Variants in MTOR observed in about 807,000 individuals in gnomAD.
The protein encoded by MTOR is serine/threonine-protein kinase mTOR.
A neutral mutation model predicts 319.8 loss-of-function variants in MTOR; 70 were observed. That is an observed-to-expected ratio of 0.22 (90% CI 0.18 to 0.27). The LOEUF (loss-of-function observed/expected upper bound fraction) is 0.27. Ranked by LOEUF, MTOR falls within the 10% of genes least tolerant of loss-of-function variation. The pLI is 1.00. For missense variants in MTOR, 1,890 were observed against 3,274.4 expected (o/e 0.58, Z 10.32); for synonymous variants, 1,183 against 1,211.4 (o/e 0.98, Z 0.49).
Position 11,257,119 on chromosome 1 carries a change from T to C in MTOR, c.318A>G (p.Arg106=). ...VEGGNATRIG[R]FANYLRNLLP... is the part of the protein sequence containing the mutation. ...GGAGGTTCCGAAGATAGTTGGCAAA[T>C]CTGCCAATTCGGGTGGCATTCCCAC... is the stretch of plus-strand genomic sequence containing the variant. The change falls in exon 4 of 58, where the codon AGA becomes AGG. Residue 106 remains arginine (R), a synonymous_variant. Transcript: ENST00000361445. 6.2e-7 allele frequency: 1 copy of C among 1,613,926 alleles called. No homozygotes were observed. The highest frequency in any genetic ancestry group is 8.5e-7 in the Non-Finnish European group (1 of 1,179,956).
Position 11,109,418 on chromosome 1 carries a change from A to G in MTOR, c.7448-48T>C, listed in dbSNP as rs371317946. ...TAACTGTAAGAATGGGAGCAATACAACAGGTTCAATGGGTGCCCTGTTTTT... is the reference window on the plus strand; with the variant it reads ...TAACTGTAAGAATGGGAGCAATACAGCAGGTTCAATGGGTGCCCTGTTTTT... On this transcript the variant is annotated intron_variant, in intron 55 of 57. Transcript: ENST00000361445. The surrounding 1 kb of genome is among the most constrained non-coding windows in gnomAD (Gnocchi z 4.0). 6.4e-7 allele frequency: 1 copy of G among 1,563,914 alleles called. No homozygotes were observed. The highest frequency in any genetic ancestry group is 8.8e-7 in the Non-Finnish European group (1 of 1,137,206).
chr1:11,188,159 A>G (rs3806317), intron 28 of MTOR, among the ~76,000 whole-genome samples: 5,410 of 152,288 alleles, frequency 0.036, 251 homozygotes, highest in East Asian at 0.14. Flanking sequence ...TAACTGCCTG[A>G]GTGGCTCCAT....
chr1:11,126,253 A>G (rs906529631), intron 46 of MTOR, among the ~76,000 whole-genome samples: 1 of 151,726 alleles, frequency 6.6e-6, no homozygotes, highest in South Asian at 2.1e-4. Context: ...AAAGAAAAAA[A>G]TTTCAAGAGC....
chr1:11,128,769 G>T lies in MTOR; in HGVS notation c.5811+86C>A. 1 of 1,212,834 alleles carries T rather than the reference G, an allele frequency of 8.2e-7. No individual in the cohort carries two copies. Among genetic ancestry groups the T allele is most frequent in the Non-Finnish European group, 1.2e-6 (1 of 830,152 alleles). 75.1% of individuals were successfully genotyped at this position (1,212,834 alleles called of 1,614,324 possible). ...GCACTGTATTAACACACACTGCCTT[G>T]TGACACTGAACACAGCATGCTTGTA... On this transcript the variant is annotated intron_variant, in intron 41 of 57. Coordinates refer to ENST00000361445, the MANE Select transcript of MTOR (RefSeq NM_004958.4). This position sits in a 1 kb window ranked among gnomAD's most constrained non-coding sequence, Gnocchi z 5.3.
intron 21 of MTOR, among the ~76,000 whole-genome samples, 194 bp from the exon 22 acceptor site, chr1:11,213,102 C>A (rs1210610252): frequency 1.3e-5 from 2 of 152,198 alleles, no homozygotes; most frequent in Non-Finnish European, 2.9e-5. Flanking sequence ...ACTTTGCTTT[C>A]TCTGTGCTTA....
rs767093805 is a variant in MTOR, at chr1:11,150,020, C to T, written c.4570+106G>A. On this transcript the variant is annotated intron_variant, in intron 31 of 57. Transcript: ENST00000361445. ...GTGGATACAGACCATTTTTACCCTT[C>T]CATAGACCTGGATCTCCACCTAGAG... 9.8e-5 allele frequency: 89 copies of T among 908,016 alleles called. 1 individual carries two copies. The highest frequency in any genetic ancestry group is 3.3e-4 in the Middle Eastern group (1 of 2,998). The allele number at this position is 908,016 out of a possible 1,614,324, so 56.2% of individuals were successfully genotyped here. A position where few individuals can be genotyped will look rare whatever the true frequency, so the allele number is the denominator to read the frequency against.
intron 25 of MTOR, among the ~76,000 whole-genome samples, chr1:11,206,804 T>C (rs191084398): frequency 2.0e-5 from 3 of 152,326 alleles, no homozygotes; most frequent in South Asian, 2.1e-4. Context: ...CTGGTGCCTG[T>C]TCATGGAATG....
rs375505566 is a variant in MTOR, at chr1:11,107,188, G to A, written c.*297C>T. ...TCTCTTGTGAGTTAAGTCAAAACCC[G>A]TATTTCTAAAGTTATGGATCTTCTG... is the stretch of plus-strand genomic sequence containing the variant. On this transcript the variant is annotated 3_prime_UTR_variant, in exon 58 of 58. Transcript: ENST00000361445. 7.9e-6 allele frequency: 11 copies of A among 1,387,272 alleles called. No homozygotes were observed. In the Admixed American group the frequency reaches 1.7e-4, roughly 21 times the overall value. 85.9% of individuals were successfully genotyped at this position (1,387,272 alleles called of 1,614,324 possible). A position where few individuals can be genotyped will look rare whatever the true frequency, so the allele number is the denominator to read the frequency against.
At chr1:11,204,844 A>G (rs1162819939) in intron 25 of MTOR, 141 bp from the exon 26 acceptor site, 119 of 1,018,510 alleles carry the variant, frequency 1.2e-4, no homozygotes, top group Non-Finnish European at 1.4e-6. Flanking sequence ...GTACAAATAC[A>G]AAAGAATAAT....
chr1:11,242,500 C>CAAAAA (rs70977555), intron 9 of MTOR, among the ~76,000 whole-genome samples: 1,920 of 52,144 alleles, frequency 0.037, 206 homozygotes, highest in Middle Eastern at 0.083. Flanking sequence ...GACTCCATCT[C>CAAAAA]AAAAAAAAAA....
chr1:11,171,280 CTTCT>C (rs1308019537), intron 28 of MTOR, among the ~76,000 whole-genome samples: 1 of 151,126 alleles, frequency 6.6e-6, no homozygotes, highest in Non-Finnish European at 1.5e-5. Flanking sequence ...ATTTTCTTTT[CTTCT>C]TTCTTTCTTT....
intron 34 of MTOR, 70 bp from the exon 35 acceptor site, chr1:11,139,728 G>C (rs564362806): frequency 6.3e-7 from 1 of 1,593,404 alleles, no homozygotes; most frequent in South Asian, 1.1e-5. Flanking sequence ...GTCTTGCTCT[G>C]TCGCCCAGGC....
At chr1:11,238,340 C>T in intron 12 of MTOR, 62 bp downstream of exon 12, 1 of 1,533,120 alleles carries the variant, frequency 6.5e-7, no homozygotes, top group Non-Finnish European at 9.0e-7. Flanking sequence ...ATGAAACTGG[C>T]TACTCCCAAT....
At chr1:11,186,908 TTC>T (rs1645338318) in intron 28 of MTOR, among the ~76,000 whole-genome samples, 1 of 152,190 alleles carries the variant, frequency 6.6e-6, no homozygotes. Context: ...AGCTTCTGTC[TTC>T]TGTCTTCAAG....
intron 29 of MTOR, among the ~76,000 whole-genome samples, chr1:11,157,655 G>A (rs2100570797): frequency 6.6e-6 from 1 of 152,246 alleles, no homozygotes; most frequent in East Asian, 1.9e-4. Flanking sequence ...GTCGACCAGA[G>A]CACCAGAGCT....
At chr1:11,170,028 G>A (rs1376442782) in intron 28 of MTOR, among the ~76,000 whole-genome samples, 2 of 152,214 alleles carry the variant, frequency 1.3e-5, no homozygotes, top group African/African-American at 4.8e-5. Flanking sequence ...CTAGGCTCCA[G>A]ATTCGTTGGG....
At position 11,259,377 on chromosome 1, in the gene MTOR, G is replaced by T; in HGVS notation, c.33C>A (p.Thr11=). 1 of 1,594,322 alleles carries T rather than the reference G, an allele frequency of 6.3e-7. No homozygotes were observed. The highest frequency in any genetic ancestry group is 8.5e-7 in the Non-Finnish European group (1 of 1,172,540). ...TCACATTGCTAGATGTGGTGGCAGC[G>T]GTGGTGGCGGCGGCAGGTCCGGTTC... MLGTGPAAAT[T]AATTSSNVSV... is the part of the protein sequence containing the mutation. The change falls in exon 2 of 58, where the codon ACC becomes ACA. Residue 11 remains threonine (T), a synonymous_variant. Transcript: ENST00000361445.
At chr1:11,252,418 TG>T (rs1292389205) in intron 6 of MTOR, among the ~76,000 whole-genome samples, 1 of 152,134 alleles carries the variant, frequency 6.6e-6, no homozygotes, top group Non-Finnish European at 1.5e-5. Context: ...ATTGCAGGTG[TG>T]GGCCACTGCA....
chr1:11,242,267 G>C (rs1225134909), intron 9 of MTOR, among the ~76,000 whole-genome samples: 1 of 152,118 alleles, frequency 6.6e-6, no homozygotes. Flanking sequence ...GGGAGGCTAA[G>C]GTGGGTGGAT....
Sources: gnomAD v4.1 joint callset for allele counts (sites outside exome capture counted in the v4.1 genomes callset) on GRCh38, gnomAD v4.1.1 for gene constraint, Gnocchi (gnomAD v3.1) non-coding constraint, MANE v1.5 for transcripts, NCBI Gene and HGNC (gene_info 2026-07-23, HGNC 2026-07-21) for gene names.